Variants in MYSM1 observed in about 807,000 individuals in gnomAD.
MYSM1 encodes the protein Myb like, SWIRM and MPN domains 1.
MYSM1 carries 51 observed loss-of-function variants against 116.0 expected under a neutral mutation model. That is an observed-to-expected ratio of 0.44 (90% CI 0.35 to 0.56). The LOEUF (loss-of-function observed/expected upper bound fraction) is 0.56. Ranked by LOEUF, MYSM1 falls within the 20% of genes least tolerant of loss-of-function variation. The pLI is 0.00. For missense variants in MYSM1, 900 were observed against 974.9 expected (o/e 0.92, Z 1.02); for synonymous variants, 313 against 315.2 (o/e 0.99, Z 0.07).
intron 10 of MYSM1, among the ~76,000 whole-genome samples, chr1:58,674,911 A>G (rs1466050121): frequency 6.7e-6 from 1 of 149,012 alleles, no homozygotes; most frequent in Non-Finnish European, 1.5e-5. Flanking sequence ...TGGGTGACAC[A>G]GCGAGACTCT....
Position 58,661,507 on chromosome 1 carries a change from T to A in MYSM1, c.2169A>T (p.Leu723Phe). 1.3e-6 allele frequency: 2 copies of A among 1,583,422 alleles called. No individual in the cohort carries two copies. Among genetic ancestry groups the A allele is most frequent in the Non-Finnish European group, 1.7e-6 (2 of 1,153,644 alleles). ...EEISPDGSYR[L>F]PYKFEVQQML... ...TCTGCTGTACTTCAAATTTGTAAGG[T>A]AAGCCTAGAAAAGCATAAAGAAGCA... is the stretch of plus-strand genomic sequence containing the variant. Residue 723 changes from leucine (L) to phenylalanine (F), a missense_variant, in exon 18 of 20, where the codon TTA becomes TTT. Leu to Phe is a conservative substitution (Grantham distance 22). Transcript: ENST00000472487.
chr1:58,685,228 G>C lies in MYSM1; in HGVS notation c.423C>G (p.Thr141=). The change falls in exon 7 of 20, where the codon ACC becomes ACG. Residue 141 remains threonine (T), a synonymous_variant. Transcript: ENST00000472487. The part of the protein sequence containing the change: ...QGLAKFGRRW[T]KISKLIGSRT... The stretch of plus-strand genomic sequence containing the variant: ...GGCTTCCAATTAGCTTTGAAATTTT[G>C]GTCCATCTTCGGCCAAATTTAGCCT... 2 of 1,605,478 alleles carry C rather than the reference G, an allele frequency of 1.2e-6. No homozygotes were observed.
chr1:58,670,238 G>C (rs1174196225), intron 12 of MYSM1, among the ~76,000 whole-genome samples: 1 of 152,128 alleles, frequency 6.6e-6, no homozygotes, highest in Non-Finnish European at 1.5e-5. Flanking sequence ...AACACAAAAA[G>C]AAACTGAAGG....
In MYSM1 at chr1:58,671,757, G is replaced by C. The variant is rs678233; in HGVS notation, c.1661+113C>G. 12,610 of 735,244 alleles carry C rather than the reference G, an allele frequency of 0.017. 1,072 individuals are homozygous for C. In the African/African-American group the frequency reaches 0.2, roughly 12 times the overall value. 45.5% of individuals were successfully genotyped at this position (735,244 alleles called of 1,614,324 possible). A position where few individuals can be genotyped will look rare whatever the true frequency, so the allele number is the denominator to read the frequency against. On this transcript the variant is annotated intron_variant, in intron 12 of 19. Transcript: ENST00000472487. The stretch of plus-strand genomic sequence containing the variant: ...AAAAAAAATCTAAAAAATTGTAGCA[G>C]TATTTTTTTAAACTTAATGTGAACA...
chr1:58,678,218 G>A (rs911451337), intron 8 of MYSM1, among the ~76,000 whole-genome samples: 1 of 152,094 alleles, frequency 6.6e-6, no homozygotes, highest in Non-Finnish European at 1.5e-5. Flanking sequence ...AGAATAGAGG[G>A]TAAAAATAAT....
intron 9 of MYSM1, 171 bp downstream of exon 9, chr1:58,676,754 AC>A (rs1644659331): frequency 9.6e-6 from 5 of 520,930 alleles, no homozygotes; most frequent in Non-Finnish European, 1.2e-5. Flanking sequence ...TCAAATGAAA[AC>A]ACAGTTTAAC....
chr1:58,667,253 TATACTAAAATCCTGTTAA>T lies in MYSM1; in HGVS notation c.1843-45_1843-28del, dbSNP rs1205528326. 5 of 1,420,226 alleles carry T rather than the reference TATACTAAAATCCTGTTAA, an allele frequency of 3.5e-6. No homozygotes were observed. The Admixed American group carries it at 1.2e-4, about 33-fold the overall frequency. The allele number at this position is 1,420,226 out of a possible 1,614,324, so 88.0% of individuals were successfully genotyped here. A position where few individuals can be genotyped will look rare whatever the true frequency, so the allele number is the denominator to read the frequency against. On this transcript the variant is annotated intron_variant, in intron 15 of 19. Coordinates refer to ENST00000472487, the MANE Select transcript of MYSM1 (RefSeq NM_001085487.3). ...TATAAACGATTGATCCTCAAATGAT[TATACTAAAATCCTGTTAA>T]TTCTATTACTCTAATGTTATAATTC...
At chr1:58,695,350 T>C in intron 1 of MYSM1, 143 bp from the exon 2 acceptor site, 4 of 534,682 alleles carry the variant, frequency 7.5e-6, no homozygotes, top group Non-Finnish European at 1.3e-5. Context: ...AGATTTAACA[T>C]TGTGGAAATG....
chr1:58,663,870 T>C (rs1644430106), intron 17 of MYSM1, among the ~76,000 whole-genome samples: 1 of 152,168 alleles, frequency 6.6e-6, no homozygotes, highest in Non-Finnish European at 1.5e-5. Flanking sequence ...GGTTTCTCCT[T>C]CTTGTGCCAT....
At chr1:58,679,499 C>A (rs755393430) in intron 8 of MYSM1, among the ~76,000 whole-genome samples, 3 of 152,120 alleles carry the variant, frequency 2.0e-5, no homozygotes, top group Non-Finnish European at 4.4e-5. Context: ...TGCTCTGTTG[C>A]CCAGGCTAGT....
At chr1:58,668,839 T>G (rs1404890028) in intron 13 of MYSM1, 145 bp downstream of exon 13, 13 of 994,630 alleles carry the variant, frequency 1.3e-5, no homozygotes, top group Non-Finnish European at 1.7e-5. Context: ...AACATTATGA[T>G]TTAAAATTCC....
chr1:58,687,092 C>T (rs1397149419), intron 6 of MYSM1, among the ~76,000 whole-genome samples: 2 of 152,172 alleles, frequency 1.3e-5, no homozygotes, highest in East Asian at 1.9e-4. Flanking sequence ...ATCAGTACCA[C>T]CCAAGTCCCT....
At chr1:58,662,434 TG>T (rs375500714) in intron 17 of MYSM1, among the ~76,000 whole-genome samples, 1 of 147,122 alleles carries the variant, frequency 6.8e-6, no homozygotes, top group African/African-American at 2.5e-5. Context: ...ATCACTTAAA[TG>T]AAGTAGCTGC....
At chr1:58,696,505 A>G (rs759893839) in intron 1 of MYSM1, among the ~76,000 whole-genome samples, 6 of 152,030 alleles carry the variant, frequency 3.9e-5, no homozygotes, top group African/African-American at 1.2e-4. Context: ...AAGCCTGACC[A>G]TTTTCTTCAC....
At chr1:58,694,326 A>AACCG (rs1435500807) in intron 2 of MYSM1, among the ~76,000 whole-genome samples, 1 of 152,216 alleles carries the variant, frequency 6.6e-6, no homozygotes, top group Non-Finnish European at 1.5e-5. Flanking sequence ...AGTACTCAAT[A>AACCG]AGTAACTACT....
chr1:58,689,540 TAGAAA>T (rs1644874117), intron 5 of MYSM1: 2 of 153,516 alleles, frequency 1.3e-5, no homozygotes, highest in Admixed American at 1.3e-4. Context: ...TGTAAATATT[TAGAAA>T]AGAAGTCAAA....
intron 1 of MYSM1, among the ~76,000 whole-genome samples, chr1:58,695,986 A>C (rs953389935): frequency 6.6e-6 from 1 of 152,222 alleles, no homozygotes; most frequent in East Asian, 1.9e-4. Context: ...AGTGATAAGA[A>C]TTTTCCATCT....
At chr1:58,672,586 C>T (rs1458150588) in intron 11 of MYSM1, among the ~76,000 whole-genome samples, 2 of 152,032 alleles carry the variant, frequency 1.3e-5, no homozygotes, top group Admixed American at 1.3e-4. Context: ...AATCTCTATT[C>T]CATTTCTACG....
In MYSM1 at chr1:58,660,167, G is replaced by A; in HGVS notation, c.2329-12C>T. 1.5e-5 allele frequency: 22 copies of A among 1,503,522 alleles called. No individual in the cohort carries two copies. The highest frequency in any genetic ancestry group is 2.0e-5 in the Non-Finnish European group (22 of 1,124,310). The allele number at this position is 1,503,522 out of a possible 1,614,324, so 93.1% of individuals were successfully genotyped here. The stretch of plus-strand genomic sequence containing the variant: ...ATACACTCCAAAAGCTAGTTGAAAA[G>A]AAAAGTTTTATATTTAAATACAGAA... On this transcript the variant is annotated splice_polypyrimidine_tract_variant and intron_variant, in intron 19 of 19. Coordinates refer to ENST00000472487, the MANE Select transcript of MYSM1 (RefSeq NM_001085487.3).
Sources: gnomAD v4.1 joint callset for allele counts (sites outside exome capture counted in the v4.1 genomes callset) on GRCh38, gnomAD v4.1.1 for gene constraint, MANE v1.5 for transcripts, NCBI Gene and HGNC (gene_info 2026-07-23, HGNC 2026-07-21) for gene names.